Variants in FBN1 observed in about 807,000 individuals in gnomAD.
FBN1 encodes the protein fibrillin 1.
A neutral mutation model predicts 365.1 loss-of-function variants in FBN1; 29 were observed. That is an observed-to-expected ratio of 0.08 (90% CI 0.06 to 0.11). The LOEUF (loss-of-function observed/expected upper bound fraction) is 0.11, where lower values mean the gene tolerates loss of function less well. Ranked by LOEUF, FBN1 falls within the 10% of genes least tolerant of loss-of-function variation. FBN1 has a pLI of 1.00. For synonymous variants in FBN1, 1,210 were observed against 1,270.5 expected (o/e 0.95, Z 1.01); for missense variants, 2,476 against 3,703.2 (o/e 0.67, Z 8.60).
intron 2 of FBN1, among the ~76,000 whole-genome samples, chr15:48,622,055 T>C (rs1306143308): frequency 6.6e-6 from 1 of 152,004 alleles, no homozygotes; most frequent in African/African-American, 2.4e-5. Flanking sequence ...ACCACGCTAG[T>C]ATGAGATGCT....
At position 48,490,216 on chromosome 15, in the gene FBN1, C is replaced by CA. The variant is rs200982490; in HGVS notation, c.2855-139dup. 1.4e-3 allele frequency: 1,109 copies of CA among 779,516 alleles called. 2 individuals carry two copies. The highest frequency in any genetic ancestry group is 2.2e-3 in the Non-Finnish European group (1,025 of 468,808). The allele number at this position is 779,516 out of a possible 1,614,324, so 48.3% of individuals were successfully genotyped here. On this transcript the variant is annotated intron_variant, in intron 24 of 65. Coordinates refer to ENST00000316623, the MANE Select transcript of FBN1 (RefSeq NM_000138.5). Reference sequence around the variant, plus strand: ...ATTGACTGGAATTAGTTTTATTCCTCAAAAAAAACCCCAGGCTCTGGGGTA... The same window carrying CA: ...ATTGACTGGAATTAGTTTTATTCCTCAAAAAAAAACCCCAGGCTCTGGGGTA...
chr15:48,593,680 G>A (rs2456475), intron 6 of FBN1, among the ~76,000 whole-genome samples: 11,772 of 152,200 alleles, frequency 0.077, 502 homozygotes, highest in Middle Eastern at 0.16. Flanking sequence ...TCTATGGGTC[G>A]TGTACTGTGC....
chr15:48,461,379 G>A (rs911444321), intron 42 of FBN1, among the ~76,000 whole-genome samples: 6 of 152,000 alleles, frequency 3.9e-5, no homozygotes, highest in African/African-American at 1.5e-4. Context: ...TTTCCAAAGT[G>A]GTCTCCAGAG....
chr15:48,416,521 T>C (rs1453245188), intron 63 of FBN1: 2 of 154,090 alleles, frequency 1.3e-5, no homozygotes, highest in African/African-American at 4.8e-5. Context: ...TGGAAGAGAT[T>C]TGGTGCAGAC....
intron 8 of FBN1, among the ~76,000 whole-genome samples, chr15:48,528,415 T>A (rs2043935676): frequency 6.6e-6 from 1 of 152,238 alleles, no homozygotes; most frequent in South Asian, 2.1e-4. Context: ...ATGCTTTATG[T>A]GTACCCAATC....
intron 5 of FBN1, 123 bp downstream of exon 5, chr15:48,600,016 T>C: frequency 3.9e-6 from 3 of 761,048 alleles, no homozygotes; most frequent in East Asian, 2.6e-5. Context: ...TAAAGGTCAC[T>C]GGACACTTGT....
intron 6 of FBN1, among the ~76,000 whole-genome samples, chr15:48,590,812 C>T (rs992790606): frequency 1.7e-4 from 26 of 152,316 alleles, no homozygotes; most frequent in African/African-American, 6.3e-4. Context: ...CCCAATTGTT[C>T]CTTTTCCTTA....
At position 48,492,544 on chromosome 15, in the gene FBN1, C is replaced by A. The variant is rs1206476337; in HGVS notation, c.2771G>T (p.Gly924Val). 1.2e-6 allele frequency: 2 copies of A among 1,611,516 alleles called. No individual in the cohort carries two copies. The highest frequency in any genetic ancestry group is 2.7e-5 in the African/African-American group (2 of 74,804). ...TGACCCCCTAGTGTTAACACACAGG[C>A]CATTTTTACACACTCCTGGGAACAC... ...CEVFPGVCKN[G>V]LCVNTRGSFK... The change falls in exon 24 of 66, where the codon GGC becomes GTC. Residue 924 changes from glycine to valine, a missense_variant. Coordinates refer to ENST00000316623, the MANE Select transcript of FBN1 (RefSeq NM_000138.5).
At chr15:48,445,573 C>A in intron 47 of FBN1, 69 bp from the exon 48 acceptor site, 2 of 1,551,522 alleles carry the variant, frequency 1.3e-6, no homozygotes, top group Admixed American at 3.4e-5. Flanking sequence ...ATAATCAAAA[C>A]TTCTAAAAGA....
intron 10 of FBN1, among the ~76,000 whole-genome samples, chr15:48,519,022 A>C (rs973677769): frequency 9.9e-5 from 15 of 152,136 alleles, no homozygotes; most frequent in African/African-American, 3.4e-4. Context: ...AGGCACCTAA[A>C]CCTGCTCTAG....
rs908969671 is a variant in FBN1, at chr15:48,452,547, T to C, written c.5545+15A>G. On this transcript the variant is annotated intron_variant, in intron 45 of 65. Transcript: ENST00000316623. ...CTCTTGGGTAGGCATGTCCAGCCTG[T>C]GGGGCACTACATACCATTGCACTGT... The C allele has an allele frequency of 3.7e-6, 6 of 1,613,864 alleles. No individual in the cohort carries two copies. The African/African-American group carries it at 8.0e-5, about 22-fold the overall frequency.
At chr15:48,411,442 A>C (rs576899046) in intron 65 of FBN1, 63 bp from the exon 66 acceptor site, 13 of 1,494,044 alleles carry the variant, frequency 8.7e-6, no homozygotes, top group African/African-American at 1.4e-5. Flanking sequence ...TCTCATATTA[A>C]AGAAAAAATG....
At chr15:48,445,145 CATATATATAT>C (rs549747216) in intron 48 of FBN1, among the ~76,000 whole-genome samples, 39 of 106,804 alleles carry the variant, frequency 3.7e-4, no homozygotes, top group Admixed American at 2.6e-3. Context: ...TACACACACA[CATATATATAT>C]ACATATATAT....
chr15:48,559,409 T>G (rs1353159343), intron 6 of FBN1, among the ~76,000 whole-genome samples: 1 of 152,138 alleles, frequency 6.6e-6, no homozygotes, highest in Non-Finnish European at 1.5e-5. Flanking sequence ...TCCCCCAGAC[T>G]GAAACCCAAG....
chr15:48,436,186 T>C (rs771208486), intron 53 of FBN1, among the ~76,000 whole-genome samples: 9 of 152,180 alleles, frequency 5.9e-5, no homozygotes, highest in Non-Finnish European at 1.3e-4. Flanking sequence ...CCCGATACCA[T>C]TGATCTTTAG....
At chr15:48,509,497 ATAT>A (rs1187882923) in intron 14 of FBN1, among the ~76,000 whole-genome samples, 1 of 147,814 alleles carries the variant, frequency 6.8e-6, no homozygotes, top group African/African-American at 2.5e-5. Flanking sequence ...TTTTAGATAT[ATAT>A]TATTTATATT....
chr15:48,469,475 G>A (rs1334789018), intron 36 of FBN1, among the ~76,000 whole-genome samples: 1 of 151,930 alleles, frequency 6.6e-6, no homozygotes, highest in Non-Finnish European at 1.5e-5. Context: ...AGATATTTAG[G>A]ACATGGGTTT....
chr15:48,516,029 C>T (rs865858902), intron 11 of FBN1, among the ~76,000 whole-genome samples, 154 bp downstream of exon 11: 2 of 152,034 alleles, frequency 1.3e-5, no homozygotes, highest in African/African-American at 4.8e-5. Context: ...TTGAGACATA[C>T]ATATGATATA....
At chr15:48,452,235 G>A (rs550395221) in intron 45 of FBN1, among the ~76,000 whole-genome samples, 4 of 152,312 alleles carry the variant, frequency 2.6e-5, no homozygotes, top group Admixed American at 6.5e-5. Flanking sequence ...AGGGGAATGT[G>A]TGTATGCATA....
Sources: allele counts gnomAD v4.1 joint callset (sites outside exome capture counted in the v4.1 genomes callset), GRCh38; gene constraint gnomAD v4.1.1; transcripts MANE v1.5; gene names NCBI Gene and HGNC (gene_info 2026-07-23, HGNC 2026-07-21).